JAK1: variants seen among roughly 807,000 people sequenced by gnomAD.
JAK1 encodes the protein tyrosine-protein kinase JAK1.
Under a neutral mutation model 136.6 loss-of-function variants are expected in JAK1, and 16 were observed. That is an observed-to-expected ratio of 0.12 (90% CI 0.08 to 0.18). The LOEUF (loss-of-function observed/expected upper bound fraction) is 0.18. Ranked by LOEUF, JAK1 falls within the 10% of genes least tolerant of loss-of-function variation. The pLI, the probability that JAK1 is intolerant of heterozygous loss-of-function variation, is 1.00. For synonymous variants in JAK1, 492 were observed against 519.5 expected (o/e 0.95, Z 0.72); for missense variants, 859 against 1,450.1 (o/e 0.59, Z 6.62).
chr1:64,985,049 C>T (rs1646585167), intron 2 of JAK1: 4 of 867,432 alleles, frequency 4.6e-6, no homozygotes, highest in Non-Finnish European at 8.0e-6. Flanking sequence ...AACAAACAGA[C>T]ATGAGGATGG....
At chr1:65,000,997 T>C (rs968183809) in intron 2 of JAK1, among the ~76,000 whole-genome samples, 1 of 151,942 alleles carries the variant, frequency 6.6e-6, no homozygotes, top group Non-Finnish European at 1.5e-5. Flanking sequence ...CCAACTCTAC[T>C]AAGAGGCCAT....
chr1:65,060,123 C>T (rs1023906305), intron 1 of JAK1, among the ~76,000 whole-genome samples: 6 of 144,976 alleles, frequency 4.1e-5, no homozygotes, highest in African/African-American at 1.3e-4. Context: ...GAGAGGGCAA[C>T]GAAGATTAAA....
At chr1:64,935,675 T>A (rs751647436) in intron 1 of JAK1, among the ~76,000 whole-genome samples, 97 of 152,208 alleles carry the variant, frequency 6.4e-4, no homozygotes, top group Non-Finnish European at 1.3e-3. Context: ...AGAAGTCTGG[T>A]CTTGGCAGTC....
At chr1:64,908,888 G>C (rs1339933824) in intron 1 of JAK1, among the ~76,000 whole-genome samples, 1 of 152,122 alleles carries the variant, frequency 6.6e-6, no homozygotes, top group East Asian at 1.9e-4. Flanking sequence ...TCCCAGGCCA[G>C]GTCCCAGGTC....
Position 64,833,889 on chromosome 1 carries a change from T to C in JAK1, c.*673A>G, listed in dbSNP as rs1654300743. ...TTGAGAATTAACATGCAGCAAATTA[T>C]CTATTCCACAGCTATCCCCCCATGT... On this transcript the variant is annotated 3_prime_UTR_variant, in exon 25 of 25. Coordinates refer to ENST00000342505, the MANE Select transcript of JAK1 (RefSeq NM_002227.4). The C allele has an allele frequency of 8.6e-6, 2 of 232,590 alleles. No individual in the cohort carries two copies. The highest frequency in any genetic ancestry group is 1.7e-5 in the Non-Finnish European group (2 of 117,760). 14.4% of individuals were successfully genotyped at this position (232,590 alleles called of 1,614,324 possible). A position where few individuals can be genotyped will look rare whatever the true frequency, so the allele number is the denominator to read the frequency against.
intron 2 of JAK1, among the ~76,000 whole-genome samples, chr1:65,038,188 TTTTTC>T (rs1395712604): frequency 2.0e-5 from 3 of 150,600 alleles, no homozygotes; most frequent in Non-Finnish European, 4.4e-5. Context: ...TTCTTTTTCT[TTTTTC>T]TTTTCTTTTT....
At position 65,003,326 on chromosome 1, in the gene JAK1, T is replaced by C. The variant is rs577070103; in HGVS notation, c.-78+41154A>G. ...AGCTCGCTGGCCCGCCAGGTCTAGG[T>C]TGGCGCCGGGTGACTGCAATGAAAC... On this transcript the variant is annotated intron_variant, in intron 2 of 25. Transcript: ENST00000671954. 4.6e-5 allele frequency: 7 copies of C among 152,234 alleles called. No individual in the cohort carries two copies. The East Asian group carries it at 1.4e-3, about 29-fold the overall frequency. 9.4% of individuals were successfully genotyped at this position (152,234 alleles called of 1,614,324 possible). A position where few individuals can be genotyped will look rare whatever the true frequency, so the allele number is the denominator to read the frequency against.
At chr1:64,914,812 T>TCTCTGC (rs1254859963) in intron 1 of JAK1, among the ~76,000 whole-genome samples, 2 of 152,034 alleles carry the variant, frequency 1.3e-5, no homozygotes, top group African/African-American at 4.8e-5. Flanking sequence ...GATCCACCCA[T>TCTCTGC]CTCTGCCTCC....
At chr1:64,857,836 C>T in intron 9 of JAK1, 57 bp from the exon 10 acceptor site, 2 of 1,600,882 alleles carry the variant, frequency 1.2e-6, no homozygotes, top group Admixed American at 1.7e-5. Flanking sequence ...GACTTTGAAC[C>T]TCTGGGCTAT....
At chr1:64,862,942 C>T (rs1017754298) in intron 8 of JAK1, among the ~76,000 whole-genome samples, 1 of 152,202 alleles carries the variant, frequency 6.6e-6, no homozygotes, top group Admixed American at 6.5e-5. Context: ...AAGGTTCTTA[C>T]AAGGACTAAG....
chr1:64,839,580 G>C (rs2100958869), intron 20 of JAK1, 23 bp downstream of exon 20: 1 of 1,605,646 alleles, frequency 6.2e-7, no homozygotes, highest in Non-Finnish European at 8.5e-7. Flanking sequence ...CTTTAAACCG[G>C]ACCCCAGCCT....
At chr1:64,995,764 G>T (rs1219788268) in intron 2 of JAK1, among the ~76,000 whole-genome samples, 3 of 152,086 alleles carry the variant, frequency 2.0e-5, no homozygotes, top group Non-Finnish European at 4.4e-5. Flanking sequence ...TGAAACAGGG[G>T]TCTCTCTCTG....
intron 1 of JAK1, among the ~76,000 whole-genome samples, chr1:65,065,609 T>A (rs191865079): frequency 3.8e-4 from 57 of 151,404 alleles, no homozygotes; most frequent in African/African-American, 1.3e-3. Flanking sequence ...GACCCTTGGG[T>A]CCCTGCTCTT....
intron 1 of JAK1, among the ~76,000 whole-genome samples, chr1:65,054,913 G>T (rs947444663): frequency 1.6e-4 from 25 of 152,164 alleles, no homozygotes; most frequent in Non-Finnish European, 4.4e-5. Flanking sequence ...TTGCTTACTT[G>T]AAACAGCAGT....
At chr1:64,919,868 A>T (rs950273756) in intron 1 of JAK1, among the ~76,000 whole-genome samples, 3 of 152,032 alleles carry the variant, frequency 2.0e-5, no homozygotes, top group African/African-American at 7.2e-5. Flanking sequence ...CCTGACGGAC[A>T]CCCTAGATCC....
chr1:64,970,855 A>G (rs6682547), upstream of JAK1, among the ~76,000 whole-genome samples: 1 of 152,158 alleles, frequency 6.6e-6, no homozygotes, highest in Non-Finnish European at 1.5e-5. Flanking sequence ...TCCTTCTAAC[A>G]TGCAATCCAT....
chr1:65,022,871 G>A (rs1646948450), intron 2 of JAK1: 1 of 152,074 alleles, frequency 6.6e-6, no homozygotes, highest in Non-Finnish European at 1.5e-5. Flanking sequence ...TCTTAAGTTG[G>A]TGGGGAATGA....
intron 1 of JAK1, among the ~76,000 whole-genome samples, chr1:65,062,536 T>G (rs1411412020): frequency 6.6e-6 from 1 of 152,170 alleles, no homozygotes; most frequent in Non-Finnish European, 1.5e-5. Context: ...TTCTACAGCC[T>G]TGGGCTGTTC....
At chr1:64,838,343 G>T in intron 21 of JAK1, 122 bp downstream of exon 21, 1 of 1,074,162 alleles carries the variant, frequency 9.3e-7, no homozygotes, top group Non-Finnish European at 1.3e-6. Context: ...TCTAAATAAT[G>T]CAGAGAAAAA....
Sources: allele counts gnomAD v4.1 joint callset (sites outside exome capture counted in the v4.1 genomes callset), GRCh38; gene constraint gnomAD v4.1.1; transcripts MANE v1.5; gene names NCBI Gene and HGNC (gene_info 2026-07-23, HGNC 2026-07-21).